Variants in MALRD1 observed in about 807,000 individuals in gnomAD.
MALRD1 encodes the protein MAM and LDL receptor class A domain containing 1, also known as MAM and LDL-receptor class A domain-containing protein 1.
A neutral mutation model predicts 242.1 loss-of-function variants in MALRD1; 247 were observed. That is an observed-to-expected ratio of 1.02 (90% CI 0.92 to 1.13). The LOEUF (loss-of-function observed/expected upper bound fraction) is 1.13, where lower values mean the gene tolerates loss of function less well. Ranked by LOEUF, MALRD1 falls within the 50% of genes most tolerant of loss-of-function variation. The pLI is 0.00. For synonymous variants in MALRD1, 995 were observed against 866.6 expected, an observed-to-expected ratio of 1.15 and a Z score of -2.60; for missense variants, 2,989 against 2,533.1, an observed-to-expected ratio of 1.18 and a Z score of -3.86.
chr10:19,685,826 A>G (rs1336759807), intron 36 of MALRD1, among the ~76,000 whole-genome samples: 3 of 152,172 alleles, frequency 2.0e-5, no homozygotes, highest in Admixed American at 6.5e-5. Flanking sequence ...CTTTTGTGAC[A>G]GAATTCTTAC....
At chr10:19,075,488 G>A (rs957210057) in intron 2 of MALRD1, among the ~76,000 whole-genome samples, 6 of 152,146 alleles carry the variant, frequency 3.9e-5, no homozygotes, top group South Asian at 2.1e-4. Context: ...GCTGGCTTTG[G>A]AAATGAAGAA....
chr10:19,274,556 A>G (rs1358300485), intron 19 of MALRD1, among the ~76,000 whole-genome samples: 1 of 152,198 alleles, frequency 6.6e-6, no homozygotes, highest in African/African-American at 2.4e-5. Context: ...GAAGTGGGCC[A>G]GACACCACTT....
At chr10:19,720,705 AT>A (rs34205203) in intron 38 of MALRD1, among the ~76,000 whole-genome samples, 32 of 151,852 alleles carry the variant, frequency 2.1e-4, no homozygotes, top group Admixed American at 7.2e-4. Context: ...TTACTGTGCT[AT>A]TTTTTTTATA....
At chr10:19,446,917 A>T (rs1436193000) in intron 28 of MALRD1, among the ~76,000 whole-genome samples, 1 of 152,146 alleles carries the variant, frequency 6.6e-6, no homozygotes, top group Non-Finnish European at 1.5e-5. Context: ...GCAGTTTTTC[A>T]CTTTCACAAT....
intron 14 of MALRD1, among the ~76,000 whole-genome samples, chr10:19,195,245 C>A (rs998188381): frequency 3.3e-5 from 5 of 152,144 alleles, no homozygotes; most frequent in African/African-American, 1.2e-4. Context: ...TGCAGGTAAC[C>A]ACATTTTCCA....
chr10:19,232,341 A>ATT (rs34888584), intron 18 of MALRD1, among the ~76,000 whole-genome samples: 278 of 137,816 alleles, frequency 2.0e-3, no homozygotes, highest in African/African-American at 6.8e-3. Flanking sequence ...TAATTTTTGT[A>ATT]TTTTTTTTTT....
chr10:19,366,456 A>G (rs1242594375), intron 26 of MALRD1, among the ~76,000 whole-genome samples: 3 of 151,906 alleles, frequency 2.0e-5, no homozygotes, highest in Non-Finnish European at 2.9e-5. Flanking sequence ...CCCGCTGCTC[A>G]CCTCCTGCTA....
intron 2 of MALRD1, among the ~76,000 whole-genome samples, chr10:19,080,508 G>A (rs2086490): frequency 2.0e-5 from 3 of 151,998 alleles, no homozygotes; most frequent in Non-Finnish European, 2.9e-5. Flanking sequence ...ACAAAAACAA[G>A]CTATGGGGAA....
chr10:19,441,126 G>C (rs1463914639), intron 28 of MALRD1, among the ~76,000 whole-genome samples: 2 of 152,078 alleles, frequency 1.3e-5, no homozygotes, highest in African/African-American at 4.8e-5. Flanking sequence ...ATGTCTGTTG[G>C]CTGCATAAAT....
intron 35 of MALRD1, among the ~76,000 whole-genome samples, chr10:19,612,295 C>A (rs546275898): frequency 2.6e-4 from 39 of 151,822 alleles, no homozygotes; most frequent in South Asian, 1.7e-3. Context: ...AGGAGCATGC[C>A]CCCCAGTCCT....
chr10:19,156,036 G>T (rs185941742), intron 12 of MALRD1, among the ~76,000 whole-genome samples: 8 of 152,198 alleles, frequency 5.3e-5, no homozygotes, highest in African/African-American at 1.7e-4. Flanking sequence ...CGGCCCTTAG[G>T]ATTTCAGCTA....
chr10:19,178,061 G>T (rs1835336287), intron 14 of MALRD1, among the ~76,000 whole-genome samples: 1 of 152,112 alleles, frequency 6.6e-6, no homozygotes, highest in Admixed American at 6.5e-5. Flanking sequence ...AGGCAAAAGT[G>T]TGGTTAAAGG....
chr10:19,480,017 C>A (rs530720084), intron 29 of MALRD1, among the ~76,000 whole-genome samples: 3 of 152,126 alleles, frequency 2.0e-5, no homozygotes, highest in African/African-American at 7.2e-5. Context: ...AGCCACAGCC[C>A]AGAAACAAGC....
At chr10:19,274,261 G>T (rs1588831172) in intron 19 of MALRD1, among the ~76,000 whole-genome samples, 1 of 152,166 alleles carries the variant, frequency 6.6e-6, no homozygotes, top group Admixed American at 6.5e-5. Context: ...AGAAAATGTG[G>T]TATATACATA....
At chr10:19,155,696 G>A (rs1249771099) in intron 12 of MALRD1, among the ~76,000 whole-genome samples, 1 of 152,132 alleles carries the variant, frequency 6.6e-6, no homozygotes, top group Non-Finnish European at 1.5e-5. Context: ...CTGTGGCTCA[G>A]ACAAATTGTA....
chr10:19,378,506 A>G (rs936009403), intron 26 of MALRD1, among the ~76,000 whole-genome samples: 3 of 152,198 alleles, frequency 2.0e-5, no homozygotes, highest in Non-Finnish European at 4.4e-5. Context: ...CCTGTGATCA[A>G]TCAGTATATG....
chr10:19,128,355 A>C lies in MALRD1; in HGVS notation c.1078A>C (p.Ser360Arg). Residue 360 changes from serine (S) to arginine (R), a missense_variant, in exon 8 of 40, where the codon AGT becomes CGT. Ser to Arg is a moderately radical substitution (Grantham distance 110). Coordinates refer to ENST00000454679, the MANE Select transcript of MALRD1 (RefSeq NM_001142308.3). ...TCAATTCTATTATGCAATGGAAAGC[A>C]GTGTCCTGAGAGTAAGACTGTATAA... ...HLQFYYAMESSVLRVRLYNNK... is the reference protein window; with the variant it reads ...HLQFYYAMESRVLRVRLYNNK... 8.1e-7 allele frequency: 1 copy of C among 1,233,266 alleles called. No homozygotes were observed. The highest frequency in any genetic ancestry group is 1.0e-6 in the Non-Finnish European group (1 of 987,646). The allele number at this position is 1,233,266 out of a possible 1,614,324, so 76.4% of individuals were successfully genotyped here. A position where few individuals can be genotyped will look rare whatever the true frequency, so the allele number is the denominator to read the frequency against.
chr10:19,286,428 A>G (rs1374011909), intron 21 of MALRD1, among the ~76,000 whole-genome samples: 3 of 152,040 alleles, frequency 2.0e-5, no homozygotes, highest in East Asian at 1.9e-4. Flanking sequence ...AATACGTCCC[A>G]TCAATACCTA....
rs1167141332 is a variant in MALRD1, at chr10:19,161,503, TAAAA to T, written c.1657-4129_1657-4126del. On this transcript the variant is annotated intron_variant, in intron 12 of 39. Coordinates refer to ENST00000454679, the MANE Select transcript of MALRD1 (RefSeq NM_001142308.3). ...ATGTACCCTAAAACTTAGAGTATAA[TAAAA>T]AAAATAAATAAATAAATATAATAAA... Among the ~76,000 whole-genome samples the T allele has an allele frequency of 6.5e-4, 30 of 45,944 alleles. No homozygotes were observed. The South Asian group carries it at 0.019, about 28-fold the overall frequency. 30.1% of individuals were successfully genotyped at this position (45,944 alleles called of 152,430 possible).
Sources: allele counts gnomAD v4.1 joint callset (sites outside exome capture counted in the v4.1 genomes callset), GRCh38; gene constraint gnomAD v4.1.1; transcripts MANE v1.5; gene names NCBI Gene and HGNC (gene_info 2026-07-23, HGNC 2026-07-21).